The following EIF4G3 variants were observed in gnomAD, a reference collection of about 807,000 sequenced individuals.
The protein encoded by EIF4G3 is eukaryotic translation initiation factor 4 gamma 3.
A neutral mutation model predicts 186.4 loss-of-function variants in EIF4G3; 34 were observed. That is an observed-to-expected ratio of 0.18 (90% CI 0.14 to 0.24). The LOEUF (loss-of-function observed/expected upper bound fraction) is 0.24, where lower values mean the gene tolerates loss of function less well. Ranked by LOEUF, EIF4G3 falls within the 10% of genes least tolerant of loss-of-function variation. The pLI is 1.00. For missense variants in EIF4G3, 1,536 were observed against 1,948.5 expected (o/e 0.79, Z 3.99); for synonymous variants, 673 against 679.5 (o/e 0.99, Z 0.15).
chr1:20,928,310 G>A (rs1310644758), intron 14 of EIF4G3, among the ~76,000 whole-genome samples: 1 of 152,120 alleles, frequency 6.6e-6, no homozygotes, highest in East Asian at 1.9e-4. Flanking sequence ...ACTGTCAATT[G>A]TGGTGTTCTT....
chr1:21,165,787 C>T (rs997806964), intron 2 of EIF4G3, among the ~76,000 whole-genome samples: 2 of 151,876 alleles, frequency 1.3e-5, no homozygotes, highest in African/African-American at 4.8e-5. Flanking sequence ...TTGAATATAC[C>T]CAAAACCACT....
chr1:20,836,765 T>C (rs955408151), intron 30 of EIF4G3, among the ~76,000 whole-genome samples: 2 of 152,236 alleles, frequency 1.3e-5, no homozygotes, highest in African/African-American at 4.8e-5. Flanking sequence ...TTCAAAGTCA[T>C]TCCAGTTCTG....
chr1:20,822,167 C>T (rs1019654956), intron 33 of EIF4G3, among the ~76,000 whole-genome samples: 5 of 152,212 alleles, frequency 3.3e-5, no homozygotes, highest in African/African-American at 7.2e-5. Flanking sequence ...TGAGCCACCA[C>T]GCCTGGCTGA....
chr1:20,851,295 G>C lies in EIF4G3; in HGVS notation c.3735C>G (p.Asn1245Lys). Residue 1245 changes from asparagine to lysine, a missense_variant, in exon 28 of 37, where the codon AAC (asparagine) becomes AAG (lysine). By Grantham distance (94) the Asn-to-Lys change is moderately conservative. This residue lies in a region of EIF4G3 where 395 missense variants were observed against 498.9 expected (regional missense o/e 0.79). Coordinates refer to ENST00000602326, the MANE Select transcript of EIF4G3 (RefSeq NM_001391906.1). ...QLTGGVDVER[N>K]STEAERNKTR... Reference sequence around the variant, plus strand: ...TTTTATTTCGCTCAGCCTCAGTGCTGTTCCTCTCCACATCCACACCTCCTG... The same window carrying C: ...TTTTATTTCGCTCAGCCTCAGTGCTCTTCCTCTCCACATCCACACCTCCTG... 6.2e-7 allele frequency: 1 copy of C among 1,614,132 alleles called. No homozygotes were observed. The highest frequency in any genetic ancestry group is 8.5e-7 in the Non-Finnish European group (1 of 1,180,042).
chr1:21,165,592 T>C (rs1272485286), intron 2 of EIF4G3, among the ~76,000 whole-genome samples: 1 of 152,096 alleles, frequency 6.6e-6, no homozygotes, highest in Non-Finnish European at 1.5e-5. Flanking sequence ...AAAAAATACA[T>C]TAGTCCATTT....
At chr1:21,132,078 A>G (rs2097163424) in intron 2 of EIF4G3, among the ~76,000 whole-genome samples, 1 of 152,182 alleles carries the variant, frequency 6.6e-6, no homozygotes, top group Non-Finnish European at 1.5e-5. Flanking sequence ...AGAAAGATCA[A>G]TATCATTAAT....
chr1:20,839,011 C>T (rs1043646302), intron 30 of EIF4G3, among the ~76,000 whole-genome samples: 10 of 152,068 alleles, frequency 6.6e-5, no homozygotes, highest in African/African-American at 2.4e-4. Flanking sequence ...GGGAGTCTTG[C>T]TCTGTCGCCC....
intron 2 of EIF4G3, among the ~76,000 whole-genome samples, chr1:21,096,579 T>C (rs1269045237): frequency 1.3e-5 from 2 of 152,176 alleles, no homozygotes; most frequent in Non-Finnish European, 2.9e-5. Context: ...ACAATTCCAG[T>C]TGGGTCCTAC....
At chr1:21,130,511 G>A (rs2097134182) in intron 2 of EIF4G3, among the ~76,000 whole-genome samples, 1 of 152,056 alleles carries the variant, frequency 6.6e-6, no homozygotes, top group South Asian at 2.1e-4. Context: ...TTACAGGCGT[G>A]AGCTAGCTAG....
At chr1:21,160,064 G>A (rs2097735319) in intron 2 of EIF4G3, among the ~76,000 whole-genome samples, 1 of 149,692 alleles carries the variant, frequency 6.7e-6, no homozygotes, top group Non-Finnish European at 1.5e-5. Context: ...CCGAAATTGT[G>A]CTATTGCACT....
chr1:20,971,771 T>C (rs557000020), intron 11 of EIF4G3, among the ~76,000 whole-genome samples: 1 of 152,292 alleles, frequency 6.6e-6, no homozygotes, highest in East Asian at 1.9e-4. Context: ...GTAGCTGGAA[T>C]TATAGGCACG....
At chr1:21,050,652 C>T (rs1047585826) in intron 4 of EIF4G3, among the ~76,000 whole-genome samples, 1 of 152,134 alleles carries the variant, frequency 6.6e-6, no homozygotes, top group Non-Finnish European at 1.5e-5. Flanking sequence ...CTAAATATCA[C>T]CAACAGTTAA....
chr1:20,855,698 G>A (rs1253850370), intron 25 of EIF4G3, among the ~76,000 whole-genome samples: 3 of 152,088 alleles, frequency 2.0e-5, no homozygotes, highest in South Asian at 2.1e-4. Context: ...GTAATGTAGC[G>A]CTTTGTAAAA....
At chr1:21,001,430 C>G in intron 5 of EIF4G3, 118 bp from the exon 6 acceptor site, 1 of 399,944 alleles carries the variant, frequency 2.5e-6, no homozygotes, top group Non-Finnish European at 5.0e-6. Context: ...TGGGGGTATA[C>G]AGAAAGAGGG....
rs10916908 is a variant in EIF4G3, at chr1:20,954,688, T to A, written c.715-4577A>T. 4.9e-3 allele frequency among the ~76,000 whole-genome samples: 739 copies of A among 152,300 alleles called. 29 individuals carry two copies. In the East Asian group the frequency reaches 0.11, roughly 23 times the overall value. On this transcript the variant is annotated intron_variant, in intron 12 of 36. Transcript: ENST00000602326. Reference sequence around the variant, plus strand: ...TCAATATGTGTGTATTTCCTCCTGATGTTTAACTTGTACAAAACACTATGA... The same window carrying A: ...TCAATATGTGTGTATTTCCTCCTGAAGTTTAACTTGTACAAAACACTATGA...
At chr1:21,176,012 G>T in intron 2 of EIF4G3, 163 bp downstream of exon 2, 2 of 267,918 alleles carry the variant, frequency 7.5e-6, no homozygotes, top group South Asian at 1.7e-4. Context: ...TGCTGCTGCC[G>T]GGGCACCCCA....
At chr1:21,086,199 CTTTTTTTT>C (rs397979515) in intron 3 of EIF4G3, among the ~76,000 whole-genome samples, 1 of 95,222 alleles carries the variant, frequency 1.1e-5, no homozygotes, top group Admixed American at 1.4e-4. Context: ...ACATGATACT[CTTTTTTTT>C]TTTTTTTTTT....
At chr1:21,068,377 A>G (rs1162843589) in intron 3 of EIF4G3, among the ~76,000 whole-genome samples, 22 of 48,340 alleles carry the variant, frequency 4.6e-4, no homozygotes, top group African/African-American at 1.6e-3. Context: ...TCTGTCTTTA[A>G]AAAAAAAAAA....
intron 24 of EIF4G3, among the ~76,000 whole-genome samples, chr1:20,857,798 T>C (rs1182597018): frequency 2.0e-5 from 3 of 152,236 alleles, no homozygotes; most frequent in Non-Finnish European, 4.4e-5. Context: ...CTAAATCCAG[T>C]ATTCACAGAA....
Sources: gnomAD v4.1 joint callset for allele counts (sites outside exome capture counted in the v4.1 genomes callset) on GRCh38, gnomAD v4.1.1 for gene constraint, gnomAD v4.1.1 regional missense constraint, MANE v1.5 for transcripts, NCBI Gene and HGNC (gene_info 2026-07-23, HGNC 2026-07-21) for gene names.